The following HTN1 variants were observed in gnomAD, a reference collection of about 807,000 sequenced individuals.
The protein encoded by HTN1 is histatin-1.
In HTN1, 18 loss-of-function variants were observed where a neutral mutation model predicts 11.2. The ratio of observed to expected loss-of-function variants is 1.61; its 90% confidence interval spans 1.12 to 2.39. HTN1 has a LOEUF of 2.39. Among genes scored for constraint, HTN1 ranks in the 30% most tolerant of loss-of-function variants. The probability of loss-of-function intolerance (pLI) is 0.00; values close to 1 mark genes in which losing one functional copy is unlikely to be tolerated. For missense variants in HTN1, 80 were observed against 67.2 expected, an observed-to-expected ratio of 1.19 and a Z score of -0.67; for synonymous variants, 21 against 20.5, an observed-to-expected ratio of 1.02 and a Z score of -0.07.
chr4:70,056,305 T>C (rs768436910), intron 5 of HTN1: 41 of 152,104 alleles, frequency 2.7e-4, no homozygotes, highest in Non-Finnish European at 4.9e-4. Flanking sequence ...TCCTATTGAA[T>C]AAATGATGCT....
Position 70,053,209 on chromosome 4 carries a change from T to C in HTN1, c.51+82T>C, listed in dbSNP as rs1388995928. On this transcript the variant is annotated intron_variant, in intron 2 of 5. Coordinates refer to ENST00000246896, the MANE Select transcript of HTN1 (RefSeq NM_002159.4). ...CTCTTATTCCTTGTGTTCTGGTATA[T>C]ACTCATGTTGACCTCAATACAGCTT... is the stretch of plus-strand genomic sequence containing the variant. 4 of 906,218 alleles carry C rather than the reference T, an allele frequency of 4.4e-6. No individual in the cohort carries two copies. In the African/African-American group the frequency reaches 6.6e-5, roughly 15 times the overall value. The allele number at this position is 906,218 out of a possible 1,614,324, so 56.1% of individuals were successfully genotyped here.
At chr4:70,058,310 T>C (rs1313893598) in intron 5 of HTN1, 1 of 152,138 alleles carries the variant, frequency 6.6e-6, no homozygotes, top group East Asian at 1.9e-4. Context: ...GTGTAGGCTA[T>C]ATTTAAGTGG....
intron 5 of HTN1, 105 bp downstream of exon 5, chr4:70,055,707 G>A (rs966504853): frequency 8.2e-6 from 5 of 609,714 alleles, no homozygotes; most frequent in African/African-American, 1.9e-5. Flanking sequence ...TGTAGCATGG[G>A]TTAGCTCCTT....
At chr4:70,051,962 T>C (rs1320138491) in intron 1 of HTN1, among the ~76,000 whole-genome samples, 1 of 152,160 alleles carries the variant, frequency 6.6e-6, no homozygotes, top group Non-Finnish European at 1.5e-5. Context: ...AATTGTATTT[T>C]CCAATGGAAA....
intron 5 of HTN1, chr4:70,057,542 G>A (rs1012640096): frequency 2.6e-5 from 4 of 152,080 alleles, no homozygotes; most frequent in Non-Finnish European, 4.4e-5. Flanking sequence ...AAATGCCTCC[G>A]AGGGAAAGCT....
At chr4:70,051,722 A>T (rs1725898963) in intron 1 of HTN1, among the ~76,000 whole-genome samples, 1 of 152,152 alleles carries the variant, frequency 6.6e-6, no homozygotes, top group Middle Eastern at 3.2e-3. Context: ...AAACGAATAA[A>T]TAATATGGTA....
At chr4:70,053,634 G>A (rs1018581975) in intron 2 of HTN1, among the ~76,000 whole-genome samples, 2 of 152,070 alleles carry the variant, frequency 1.3e-5, no homozygotes, top group African/African-American at 4.8e-5. Flanking sequence ...TATTTATTAA[G>A]TGTCATGAGT....
intron 1 of HTN1, among the ~76,000 whole-genome samples, chr4:70,051,199 T>A (rs1725883194): frequency 6.6e-6 from 1 of 152,172 alleles, no homozygotes; most frequent in Admixed American, 6.5e-5. Flanking sequence ...TATATTATTA[T>A]AAAGGTTTAT....
chr4:70,056,996 G>A (rs1444881463), intron 5 of HTN1: 2 of 152,152 alleles, frequency 1.3e-5, no homozygotes, highest in East Asian at 1.9e-4. Flanking sequence ...CAAGGATCTA[G>A]AACCGGAAAT....
At chr4:70,058,326 T>A (rs1342036433) in intron 5 of HTN1, 1 of 152,082 alleles carries the variant, frequency 6.6e-6, no homozygotes, top group Non-Finnish European at 1.5e-5. Flanking sequence ...AGTGGAAGAA[T>A]AAAGTAAGAT....
chr4:70,054,526 A>AGTT (rs1321968517), intron 4 of HTN1, 76 bp downstream of exon 4: 2 of 943,362 alleles, frequency 2.1e-6, no homozygotes, highest in African/African-American at 3.4e-5. Context: ...AAGAATCAAT[A>AGTT]GTTGTCTCTC....
At chr4:70,051,049 A>G (rs183269980) in intron 1 of HTN1, among the ~76,000 whole-genome samples, 23 of 152,280 alleles carry the variant, frequency 1.5e-4, no homozygotes, top group African/African-American at 5.1e-4. Flanking sequence ...ATCCTCTCTG[A>G]TGGTGGGACC....
At chr4:70,052,972 C>T (rs1725934925) in intron 1 of HTN1, 92 bp from the exon 2 acceptor site, 3 of 785,128 alleles carry the variant, frequency 3.8e-6, no homozygotes, top group Non-Finnish European at 6.7e-6. Context: ...GCATGTCTCC[C>T]AATGCTTTGA....
chr4:70,052,942 A>G (rs1429233903), intron 1 of HTN1, 122 bp from the exon 2 acceptor site: 6 of 678,556 alleles, frequency 8.8e-6, no homozygotes, highest in Admixed American at 2.2e-5. Flanking sequence ...ATGCCCCTGC[A>G]CTCCAGCCTG....
chr4:70,056,558 G>A (rs1726048651), intron 5 of HTN1: 1 of 152,222 alleles, frequency 6.6e-6, no homozygotes. Flanking sequence ...AAACTAAAGA[G>A]CTTCTGCACA....
chr4:70,054,494 C>T lies in HTN1; in HGVS notation c.102+44C>T, dbSNP rs749198025. 25 of 1,238,770 alleles carry T rather than the reference C, an allele frequency of 2.0e-5. No individual in the cohort carries two copies. In the East Asian group the frequency reaches 5.7e-4, roughly 28 times the overall value. The allele number at this position is 1,238,770 out of a possible 1,614,324, so 76.7% of individuals were successfully genotyped here. A position where few individuals can be genotyped will look rare whatever the true frequency, so the allele number is the denominator to read the frequency against. On this transcript the variant is annotated intron_variant, in intron 4 of 5. Coordinates refer to ENST00000246896, the MANE Select transcript of HTN1 (RefSeq NM_002159.4). ...ATGTGCACTCTAAATAAATTTTCCT[C>T]TCTGACTATTTATTCTCCTAGAAGA...
chr4:70,054,769 T>TTTA (rs1725990812), intron 4 of HTN1, among the ~76,000 whole-genome samples: 1 of 152,058 alleles, frequency 6.6e-6, no homozygotes, highest in South Asian at 2.1e-4. Flanking sequence ...TAACATATGC[T>TTTA]TAATAAAGCA....
chr4:70,051,853 AAG>A (rs1488048045), intron 1 of HTN1, among the ~76,000 whole-genome samples: 1 of 152,090 alleles, frequency 6.6e-6, no homozygotes, highest in Non-Finnish European at 1.5e-5. Context: ...AATGACAGGA[AAG>A]AGAGATTAGA....
chr4:70,051,311 T>C (rs1725886913), intron 1 of HTN1, among the ~76,000 whole-genome samples: 1 of 152,182 alleles, frequency 6.6e-6, no homozygotes, highest in South Asian at 2.1e-4. Context: ...AAGCATATAC[T>C]GTATAAGAGT....
Sources: gnomAD v4.1 joint callset for allele counts (sites outside exome capture counted in the v4.1 genomes callset) on GRCh38, gnomAD v4.1.1 for gene constraint, MANE v1.5 for transcripts, NCBI Gene and HGNC (gene_info 2026-07-23, HGNC 2026-07-21) for gene names.